The following DISP3 variants were observed in gnomAD, a reference collection of about 807,000 sequenced individuals.
DISP3 encodes protein dispatched homolog 3.
DISP3 carries 101 observed loss-of-function variants against 135.3 expected under a neutral mutation model. The observed-to-expected ratio is 0.75, with a 90% CI of 0.64 to 0.88. The LOEUF (loss-of-function observed/expected upper bound fraction) is 0.88. Ranked by LOEUF, DISP3 falls within the 40% of genes least tolerant of loss-of-function variation. The probability of loss-of-function intolerance (pLI) is 0.00; values close to 1 mark genes in which losing one functional copy is unlikely to be tolerated. For missense variants in DISP3, 1,713 were observed against 1,878.6 expected (o/e 0.91, Z 1.63); for synonymous variants, 856 against 817.0 (o/e 1.05, Z -0.81).
Position 11,519,962 on chromosome 1 carries a change from G to A in DISP3, c.2200+82G>A, listed in dbSNP as rs991350427. The A allele has an allele frequency of 2.7e-5, 38 of 1,400,516 alleles. No individual in the cohort carries two copies. In the East Asian group the frequency reaches 4.2e-4, roughly 15 times the overall value. 86.8% of individuals were successfully genotyped at this position (1,400,516 alleles called of 1,614,324 possible). ...AGGAACTGGGAGCCCACCCCCTCTCGCAGATGCCCCAGGGTCAGAGGCCTG... is the reference window on the plus strand; with the variant it reads ...AGGAACTGGGAGCCCACCCCCTCTCACAGATGCCCCAGGGTCAGAGGCCTG... On this transcript the variant is annotated intron_variant, in intron 9 of 20. Transcript: ENST00000294484. This position sits in a 1 kb window ranked among gnomAD's most constrained non-coding sequence, Gnocchi z 4.3.
At position 11,483,564 on chromosome 1, in the gene DISP3, T is replaced by A. The variant is rs535319772; in HGVS notation, c.-4+4192T>A. ...AAGCAAAAACCCCCATTTTGCCAAGTACCCTGTATTGTTTTGGTTACTGTC... is the reference window on the plus strand; with the variant it reads ...AAGCAAAAACCCCCATTTTGCCAAGAACCCTGTATTGTTTTGGTTACTGTC... On this transcript the variant is annotated intron_variant, in intron 1 of 20. Coordinates refer to ENST00000294484, the MANE Select transcript of DISP3 (RefSeq NM_020780.2). This position sits in a 1 kb window ranked among gnomAD's most constrained non-coding sequence, Gnocchi z 5.4. Among the ~76,000 whole-genome samples, 1 of 152,358 alleles carries A rather than the reference T, an allele frequency of 6.6e-6. No individual in the cohort carries two copies. Among genetic ancestry groups the A allele is most frequent in the South Asian group, 2.1e-4 (1 of 4,828 alleles).
intron 1 of DISP3, among the ~76,000 whole-genome samples, chr1:11,498,194 A>G (rs965523543): frequency 6.6e-6 from 1 of 152,244 alleles, no homozygotes; most frequent in African/African-American, 2.4e-5. Context: ...GAGATGTATA[A>G]TAACTATCGT....
At position 11,526,726 on chromosome 1, in the gene DISP3, G is replaced by A. The variant is rs748123416; in HGVS notation, c.2689G>A (p.Ala897Thr). 4 of 1,614,028 alleles carry A rather than the reference G, an allele frequency of 2.5e-6. No homozygotes were observed. In the Admixed American group the frequency reaches 6.7e-5, roughly 27 times the overall value. The change falls in exon 13 of 21, where the codon GCG becomes ACG. Residue 897 changes from alanine (A) to threonine (T), a missense_variant. Around this residue, in one of 2 missense-constraint regions of DISP3, gnomAD observed 1,142 missense variants for 1,384.6 expected, o/e 0.82. Coordinates refer to ENST00000294484, the MANE Select transcript of DISP3 (RefSeq NM_020780.2). ...GTCTACAGTAGGGCTGCTCCAGGCG[G>A]CGAGCCCCTCCCGCAAGTGGATGCT... is the stretch of plus-strand genomic sequence containing the variant. ...CMSTVGLLQA[A>T]SPSRKWMLTT... is the part of the protein sequence containing the mutation.
intron 19 of DISP3, 36 bp from the exon 20 acceptor site, chr1:11,535,442 G>C: frequency 6.4e-7 from 1 of 1,573,974 alleles, no homozygotes; most frequent in Non-Finnish European, 8.6e-7. Context: ...TCCAGGGCGG[G>C]GGATCCGAGC....
At chr1:11,527,077 T>G (rs1642443067) in intron 13 of DISP3, among the ~76,000 whole-genome samples, 1 of 152,036 alleles carries the variant, frequency 6.6e-6, no homozygotes, top group South Asian at 2.1e-4. Context: ...ATTACAGACA[T>G]GCACCACCAC....
Position 11,499,647 on chromosome 1 carries a change from T to C in DISP3, c.-3-1343T>C, listed in dbSNP as rs1641444264. On this transcript the variant is annotated intron_variant, in intron 1 of 20. Coordinates refer to ENST00000294484, the MANE Select transcript of DISP3 (RefSeq NM_020780.2). The surrounding 1 kb of genome is among the most constrained non-coding windows in gnomAD (Gnocchi z 5.2). ...CTCCTCTCCCCCACATCCTCAGTCA[T>C]TCTTCCTTTCTGTTTCTTCTTTTGT... Among the ~76,000 whole-genome samples the C allele has an allele frequency of 6.6e-6, 1 of 152,050 alleles. No homozygotes were observed. Among genetic ancestry groups the C allele is most frequent in the Admixed American group, 6.5e-5 (1 of 15,274 alleles).
In DISP3 at chr1:11,515,348, TG is replaced by T; in HGVS notation, c.1454-20del. 1 of 1,614,006 alleles carries T rather than the reference TG, an allele frequency of 6.2e-7. No individual in the cohort carries two copies. The highest frequency in any genetic ancestry group is 8.5e-7 in the Non-Finnish European group (1 of 1,179,890). On this transcript the variant is annotated intron_variant, in intron 4 of 20. Coordinates refer to ENST00000294484, the MANE Select transcript of DISP3 (RefSeq NM_020780.2). ...CATGAGGGTCCCCCCACCGTCTCCC[TG>T]TGTCTCTTACCCTGCCCAGTGTTCC...
intron 1 of DISP3, among the ~76,000 whole-genome samples, chr1:11,480,048 C>T (rs1640851947): frequency 6.6e-6 from 1 of 152,180 alleles, no homozygotes; most frequent in Non-Finnish European, 1.5e-5. Flanking sequence ...GGGAAAGATT[C>T]CCAGCGCAAG....
chr1:11,498,212 G>A (rs185127264), intron 1 of DISP3, among the ~76,000 whole-genome samples: 6 of 152,318 alleles, frequency 3.9e-5, no homozygotes, highest in African/African-American at 1.4e-4. Flanking sequence ...CGTGCATTCC[G>A]CGGGTCAGGA....
rs74055726 is a variant in DISP3 at position 11,531,081 on chromosome 1, C to A, written c.3229+48C>A. On this transcript the variant is annotated intron_variant, in intron 16 of 20. Transcript: ENST00000294484. The surrounding 1 kb of genome is among the most constrained non-coding windows in gnomAD (Gnocchi z 5.2). ...GTTCCTCCGAGGGAGGATGGACTGA[C>A]TGGGGAGGCACAGAGGCCGTGGTCC... is the stretch of plus-strand genomic sequence containing the variant. 1,618 of 1,606,508 alleles carry A rather than the reference C, an allele frequency of 1.0e-3. 13 individuals are homozygous for A. The African/African-American group carries it at 0.02, about 19-fold the overall frequency.
At chr1:11,515,233 T>C (rs1011277941) in intron 4 of DISP3, 136 bp from the exon 5 acceptor site, 2 of 1,278,400 alleles carry the variant, frequency 1.6e-6, no homozygotes, top group African/African-American at 3.0e-5. Flanking sequence ...CCTGTGCCTG[T>C]GCTGGGAACA....
At chr1:11,505,864 T>C (rs1459583328) in intron 3 of DISP3, among the ~76,000 whole-genome samples, 1 of 152,230 alleles carries the variant, frequency 6.6e-6, no homozygotes, top group Admixed American at 6.5e-5. Context: ...TTCAATACTT[T>C]GTATAATTTC....
intron 3 of DISP3, 51 bp downstream of exon 3, chr1:11,502,948 A>G (rs755395398): frequency 1.6e-5 from 24 of 1,468,286 alleles, no homozygotes; most frequent in Non-Finnish European, 1.9e-5. Context: ...TTGATTTCCA[A>G]TTGCCTCTTA....
chr1:11,533,893 CCAGGCTG>C (rs2100518112), intron 17 of DISP3: 1 of 716,174 alleles, frequency 1.4e-6, no homozygotes, highest in Non-Finnish European at 2.6e-6. Flanking sequence ...TGTGGGCCAG[CCAGGCTG>C]CTCCTGCCCT....
At position 11,534,327 on chromosome 1, in the gene DISP3, G is replaced by A; in HGVS notation, c.3376-54G>A. ...GAACAGACCAGCCATGCCTGGGAAG[G>A]GCGGGTGGGCCACAGTCCCTGCCTG... On this transcript the variant is annotated intron_variant, in intron 17 of 20. Transcript: ENST00000294484. The A allele has an allele frequency of 1.9e-6, 3 of 1,600,538 alleles. No homozygotes were observed. In the South Asian group the frequency reaches 3.3e-5, roughly 18 times the overall value.
intron 1 of DISP3, among the ~76,000 whole-genome samples, chr1:11,486,183 T>C (rs138338192): frequency 6.6e-6 from 1 of 152,226 alleles, no homozygotes; most frequent in Admixed American, 6.5e-5. Flanking sequence ...TCCTTCCATG[T>C]AGACACAGCT....
At chr1:11,485,219 A>T (rs1233550170) in intron 1 of DISP3, among the ~76,000 whole-genome samples, 1 of 152,014 alleles carries the variant, frequency 6.6e-6, no homozygotes, top group Admixed American at 6.5e-5. Flanking sequence ...TGGGGCTGAG[A>T]CGGCATGATC....
chr1:11,500,626 T>C (rs1025010409), intron 1 of DISP3, among the ~76,000 whole-genome samples: 3 of 152,194 alleles, frequency 2.0e-5, no homozygotes, highest in African/African-American at 7.2e-5. Context: ...TGGCCTTGAG[T>C]TCTAAAGTCA....
intron 1 of DISP3, among the ~76,000 whole-genome samples, chr1:11,496,256 T>C (rs1274390253): frequency 6.6e-6 from 1 of 152,198 alleles, no homozygotes; most frequent in Non-Finnish European, 1.5e-5. Context: ...CGGTTGCCTT[T>C]CCCAAGAGGA....
Sources: allele counts gnomAD v4.1 joint callset (sites outside exome capture counted in the v4.1 genomes callset), GRCh38; gene constraint gnomAD v4.1.1; regional missense constraint gnomAD v4.1.1; non-coding constraint Gnocchi (gnomAD v3.1); transcripts MANE v1.5; gene names NCBI Gene and HGNC (gene_info 2026-07-23, HGNC 2026-07-21).